The following PPP6R2 variants were observed in gnomAD, a reference collection of about 807,000 sequenced individuals.
PPP6R2 encodes serine/threonine-protein phosphatase 6 regulatory subunit 2.
In PPP6R2, 62 loss-of-function variants were observed where a neutral mutation model predicts 100.2. The ratio of observed to expected loss-of-function variants is 0.62; its 90% CI spans 0.50 to 0.76. The LOEUF (loss-of-function observed/expected upper bound fraction) is 0.76, where lower values mean the gene tolerates loss of function less well. Among genes scored for constraint, PPP6R2 ranks in the 30% least tolerant of loss-of-function variants. The pLI is 0.00. For missense variants in PPP6R2, 1,142 were observed against 1,276.3 expected, an observed-to-expected ratio of 0.89 and a Z score of 1.60; for synonymous variants, 525 against 514.7, an observed-to-expected ratio of 1.02 and a Z score of -0.27.
At chr22:50,355,715 G>A (rs977802010) in intron 1 of PPP6R2, among the ~76,000 whole-genome samples, 2 of 145,940 alleles carry the variant, frequency 1.4e-5, no homozygotes, top group Non-Finnish European at 3.0e-5. Flanking sequence ...TAGAGACGGG[G>A]TTTCACTGTG....
chr22:50,427,048 G>A (rs927506876), intron 10 of PPP6R2, among the ~76,000 whole-genome samples: 1 of 151,736 alleles, frequency 6.6e-6, no homozygotes, highest in Non-Finnish European at 1.5e-5. Context: ...AATTAGCTGG[G>A]TGTGGTGGCA....
chr22:50,332,540 G>T, the PPP6R2 span, among the ~76,000 whole-genome samples: 43 of 151,250 alleles, frequency 2.8e-4, no homozygotes, highest in African/African-American at 9.9e-4. Flanking sequence ...TCTTCTAGAA[G>T]ATTTTTAGCT....
In PPP6R2 at chr22:50,427,812, C is replaced by G. The variant is rs571457928; in HGVS notation, c.1126-3361C>G. ...CTCGGCTCACTGCAGGCTCCGCCCC[C>G]CAGGTTCACGCCATTCTCCTTCCTC... On this transcript the variant is annotated intron_variant, in intron 10 of 23. Transcript: ENST00000612753. Among the ~76,000 whole-genome samples the G allele has an allele frequency of 3.1e-3, 466 of 152,370 alleles. 3 individuals are homozygous for G. The highest frequency in any genetic ancestry group is 3.7e-3 in the Non-Finnish European group (252 of 68,032).
chr22:50,442,985 C>T (rs4824134), intron 22 of PPP6R2: 150,860 of 150,936 alleles, frequency 1, 75,392 homozygotes, highest in Middle Eastern at 1. Context: ...GCCAACATGG[C>T]GAAAACCCGT....
At chr22:50,434,897 G>C (rs1426496505) in intron 12 of PPP6R2, 69 bp from the exon 13 acceptor site, 2 of 1,414,344 alleles carry the variant, frequency 1.4e-6, no homozygotes, top group Non-Finnish European at 1.9e-6. Context: ...CTGCCACTTG[G>C]CTCTCTGGGT....
In PPP6R2 at chr22:50,352,400, T is replaced by G. The variant is rs191643754; in HGVS notation, c.-148+8850T>G. On this transcript the variant is annotated intron_variant, in intron 1 of 23. Transcript: ENST00000612753. ...GAGTGAGGGCCTTACTGTAGACTATTTAAGTCTGGTTTCGTCTTCTCTCCA... is the reference window on the plus strand; with the variant it reads ...GAGTGAGGGCCTTACTGTAGACTATGTAAGTCTGGTTTCGTCTTCTCTCCA... 3.3e-5 allele frequency among the ~76,000 whole-genome samples: 5 copies of G among 152,278 alleles called. No homozygotes were observed. The East Asian group carries it at 9.7e-4, about 29-fold the overall frequency.
chr22:50,340,113 T>TGTGTGTACAGTGTGTG (rs1256021453), upstream of PPP6R2, among the ~76,000 whole-genome samples: 1 of 132,328 alleles, frequency 7.6e-6, no homozygotes, highest in Non-Finnish European at 1.6e-5. Flanking sequence ...TGGTATGTGG[T>TGTGTGTACAGTGTGTG]GTGTGTACAG....
intron 1 of PPP6R2, among the ~76,000 whole-genome samples, chr22:50,356,564 T>C (rs1184837795): frequency 2.6e-5 from 4 of 152,168 alleles, no homozygotes; most frequent in South Asian, 2.1e-4. Context: ...TGTGGACATA[T>C]GTTATTTCTT....
At chr22:50,380,172 T>C (rs1335388126) in intron 2 of PPP6R2, among the ~76,000 whole-genome samples, 1 of 151,912 alleles carries the variant, frequency 6.6e-6, no homozygotes, top group Non-Finnish European at 1.5e-5. Context: ...GAAGCTAGCT[T>C]GTAGAGACCC....
rs561256268 is a variant in PPP6R2, at chr22:50,404,330, G to T, written c.228-2359G>T. ...GAATGGTGTCAATCTCCTGACCTCA[G>T]GTGATCCACCTGCCTCGGCCTCTCA... On this transcript the variant is annotated intron_variant, in intron 3 of 23. Coordinates refer to ENST00000612753, the MANE Select transcript of PPP6R2 (RefSeq NM_001242898.2). Among the ~76,000 whole-genome samples the T allele has an allele frequency of 1.3e-4, 20 of 152,072 alleles. No individual in the cohort carries two copies. In the South Asian group the frequency reaches 2.5e-3, roughly 19 times the overall value.
chr22:50,415,099 C>T (rs2060341716), intron 5 of PPP6R2, among the ~76,000 whole-genome samples: 1 of 152,324 alleles, frequency 6.6e-6, no homozygotes, highest in South Asian at 2.1e-4. Flanking sequence ...TGCAGAGCCC[C>T]GTTGTTTACC....
chr22:50,338,296 AGTGTGTGGTGT>A (rs1459038087), upstream of PPP6R2, among the ~76,000 whole-genome samples: 16 of 74,386 alleles, frequency 2.2e-4, no homozygotes, highest in East Asian at 3.6e-3. Flanking sequence ...TGTGGTGTGT[AGTGTGTGGTGT>A]GTGTGTGGTG....
chr22:50,414,004 A>G (rs2060134331), intron 4 of PPP6R2, among the ~76,000 whole-genome samples: 1 of 152,114 alleles, frequency 6.6e-6, no homozygotes, highest in Non-Finnish European at 1.5e-5. Context: ...TTAGCTGTCT[A>G]CACCTTGTTG....
intron 2 of PPP6R2, among the ~76,000 whole-genome samples, chr22:50,376,886 G>C (rs2051702264): frequency 6.6e-6 from 1 of 152,066 alleles, no homozygotes; most frequent in Non-Finnish European, 1.5e-5. Flanking sequence ...AATTAGCCGG[G>C]CGCGGTGGCA....
At chr22:50,366,397 G>A (rs1445516189) in intron 1 of PPP6R2, among the ~76,000 whole-genome samples, 1 of 151,310 alleles carries the variant, frequency 6.6e-6, no homozygotes, top group East Asian at 1.9e-4. Context: ...TGCAGCCTCC[G>A]GGTTCAAGCA....
At chr22:50,420,368 C>T (rs558000163) in intron 8 of PPP6R2, among the ~76,000 whole-genome samples, 2 of 152,246 alleles carry the variant, frequency 1.3e-5, no homozygotes, top group South Asian at 4.1e-4. Context: ...TTGCTGTGAC[C>T]CCACATCGCT....
chr22:50,430,725 T>C (rs778039246), intron 10 of PPP6R2, among the ~76,000 whole-genome samples: 1 of 151,780 alleles, frequency 6.6e-6, no homozygotes, highest in Non-Finnish European at 1.5e-5. Context: ...AATACAAAAA[T>C]TAGCTGGGCA....
At position 50,368,459 on chromosome 22, in the gene PPP6R2, C is replaced by G. The variant is rs190391002; in HGVS notation, c.-147-3561C>G. ...CACCATGTCCCTTCAGCTCCTATCT[C>G]TGTATGGCCTGGTTTTTCCTAGGTT... is the stretch of plus-strand genomic sequence containing the variant. On this transcript the variant is annotated intron_variant, in intron 1 of 23. Coordinates refer to ENST00000612753, the MANE Select transcript of PPP6R2 (RefSeq NM_001242898.2). 1.1e-4 allele frequency among the ~76,000 whole-genome samples: 17 copies of G among 151,998 alleles called. No individual in the cohort carries two copies. The East Asian group carries it at 3.1e-3, about 28-fold the overall frequency.
the PPP6R2 span, among the ~76,000 whole-genome samples, chr22:50,334,450 G>A: frequency 6.6e-6 from 1 of 152,120 alleles, no homozygotes; most frequent in Non-Finnish European, 1.5e-5. Flanking sequence ...GGATTAAAGA[G>A]TAATGCTATA....
Sources: allele counts gnomAD v4.1 joint callset (sites outside exome capture counted in the v4.1 genomes callset), GRCh38; gene constraint gnomAD v4.1.1; transcripts MANE v1.5; gene names NCBI Gene and HGNC (gene_info 2026-07-23, HGNC 2026-07-21).